LRRC4B: variants seen among roughly 807,000 people sequenced by gnomAD.
LRRC4B encodes the protein leucine rich repeat containing 4B, also known as leucine-rich repeat-containing protein 4B.
LRRC4B carries 1 observed loss-of-function variant against 7.3 expected under a neutral mutation model. That is an observed-to-expected ratio of 0.14 (90% CI 0.05 to 0.65). The LOEUF (loss-of-function observed/expected upper bound fraction) is 0.65. Among genes scored for constraint, LRRC4B ranks in the 30% least tolerant of loss-of-function variants. The probability of loss-of-function intolerance (pLI) is 0.84; values close to 1 mark genes in which losing one functional copy is unlikely to be tolerated. For missense variants in LRRC4B, 730 were observed against 1,041.6 expected, an observed-to-expected ratio of 0.70 and a Z score of 4.12; for synonymous variants, 500 against 499.2, an observed-to-expected ratio of 1.00 and a Z score of -0.02.
At position 50,548,584 on chromosome 19, in the gene LRRC4B, C is replaced by A. The variant is rs753489733; in HGVS notation, c.255G>T (p.Pro85=). The A allele has an allele frequency of 2.5e-6, 4 of 1,602,902 alleles. No individual in the cohort carries two copies. Among genetic ancestry groups the A allele is most frequent in the Middle Eastern group, 1.6e-4 (1 of 6,082 alleles). ...RDLAEVPASI[P]VNTRYLNLQE... is the part of the protein sequence containing the mutation. ...GCAGGTTCAGGTACCGCGTGTTGAC[C>A]GGGATGCTGGCTGGGACCTCGGCCA... Residue 85 remains proline (P), a synonymous_variant, in exon 2 of 3, where the codon CCG becomes CCT. Transcript: ENST00000652263. The surrounding 1 kb of genome is among the most constrained non-coding windows in gnomAD (Gnocchi z 6.8).
intron 2 of LRRC4B, among the ~76,000 whole-genome samples, chr19:50,524,297 G>A (rs1980707040): frequency 2.6e-5 from 4 of 152,210 alleles, no homozygotes; most frequent in Admixed American, 2.6e-4. Context: ...CCAGGCTGGA[G>A]TGCAGTGGCG....
chr19:50,550,519 G>A (rs1399065920), intron 1 of LRRC4B, among the ~76,000 whole-genome samples: 1 of 151,866 alleles, frequency 6.6e-6, no homozygotes, highest in African/African-American at 2.4e-5. Flanking sequence ...CCAGGCACAC[G>A]GCTATGCACA....
At chr19:50,557,904 G>GGA (rs1334415294) in intron 1 of LRRC4B, 3 of 152,182 alleles carry the variant, frequency 2.0e-5, no homozygotes, top group African/African-American at 7.2e-5. Context: ...GACAATCAGG[G>GGA]GAGCCCGTTA....
intron 1 of LRRC4B, among the ~76,000 whole-genome samples, chr19:50,567,118 G>C (rs1478157219): frequency 1.3e-5 from 2 of 149,592 alleles, no homozygotes; most frequent in East Asian, 4.1e-4. Flanking sequence ...GCCTGGGGAG[G>C]AGGCAGCAAA....
intron 2 of LRRC4B, among the ~76,000 whole-genome samples, chr19:50,530,115 C>A (rs183655280): frequency 6.6e-6 from 1 of 152,286 alleles, no homozygotes; most frequent in East Asian, 1.9e-4. Context: ...CCTCTCCATC[C>A]CCACAGCCCA....
In LRRC4B at chr19:50,548,636, C is replaced by T; in HGVS notation, c.203G>A (p.Ser68Asn). 6.3e-7 allele frequency: 1 copy of T among 1,585,576 alleles called. No individual in the cohort carries two copies. The highest frequency in any genetic ancestry group is 8.6e-7 in the Non-Finnish European group (1 of 1,168,476). The stretch of plus-strand genomic sequence containing the variant: ...GTCTCTCCGTGTGCAGATCACCCGG[C>T]TGGCCTGGTTGCTGCAGGAGCAGGC... ...PVACSCSNQA[S>N]RVICTRRDLA... is the part of the protein sequence containing the mutation. The change falls in exon 2 of 3, where the codon AGC becomes AAC. Residue 68 changes from serine (S) to asparagine (N), a missense_variant. Ser to Asn is a conservative substitution (Grantham distance 46). Coordinates refer to ENST00000652263, the MANE Select transcript of LRRC4B (RefSeq NM_001080457.2). This position sits in a 1 kb window ranked among gnomAD's most constrained non-coding sequence, Gnocchi z 6.8.
intron 2 of LRRC4B, among the ~76,000 whole-genome samples, chr19:50,531,915 T>C (rs1477332857): frequency 6.6e-6 from 1 of 152,206 alleles, no homozygotes; most frequent in Admixed American, 6.5e-5. Flanking sequence ...TTAATTCAGT[T>C]GATAATGATC....
intron 1 of LRRC4B, among the ~76,000 whole-genome samples, chr19:50,552,475 A>G (rs1982107627): frequency 6.6e-6 from 1 of 152,038 alleles, no homozygotes; most frequent in Non-Finnish European, 1.5e-5. Context: ...CCAGATCCTG[A>G]CATCCACCTC....
chr19:50,554,307 A>C (rs1252074330), intron 1 of LRRC4B, among the ~76,000 whole-genome samples: 1 of 151,978 alleles, frequency 6.6e-6, no homozygotes, highest in Non-Finnish European at 1.5e-5. Context: ...GGAAGCACAC[A>C]TCTCACGTCA....
chr19:50,564,154 G>C (rs976841958), intron 1 of LRRC4B, among the ~76,000 whole-genome samples: 3 of 152,150 alleles, frequency 2.0e-5, no homozygotes, highest in African/African-American at 4.8e-5. Flanking sequence ...AGGGGAGAGT[G>C]GGGAGTGGTG....
Position 50,517,772 on chromosome 19 carries a change from G to A in LRRC4B, c.1941C>T (p.Asp647=). ...CCAGGGCGGGCAGGGCCAGGTGGCT[G>A]TCCCCGCCCACACCACCCCCACTGG... ...AVASGGGVGG[D]SHLALPALER... Residue 647 remains aspartate, a synonymous_variant, in exon 3 of 3, where the codon GAC becomes GAT. Coordinates refer to ENST00000652263, the MANE Select transcript of LRRC4B (RefSeq NM_001080457.2). The surrounding 1 kb of genome is among the most constrained non-coding windows in gnomAD (Gnocchi z 6.6). 2.6e-6 allele frequency: 4 copies of A among 1,525,002 alleles called. No homozygotes were observed. Among genetic ancestry groups the A allele is most frequent in the Non-Finnish European group, 3.5e-6 (4 of 1,141,550 alleles). The allele number at this position is 1,525,002 out of a possible 1,614,324, so 94.5% of individuals were successfully genotyped here.
chr19:50,536,980 G>A (rs1175024163), intron 2 of LRRC4B, among the ~76,000 whole-genome samples: 3 of 152,116 alleles, frequency 2.0e-5, no homozygotes, highest in Non-Finnish European at 4.4e-5. Flanking sequence ...TGGGTGTGGT[G>A]GCAGGGGTGT....
At chr19:50,551,475 G>A (rs926224807) in intron 1 of LRRC4B, among the ~76,000 whole-genome samples, 4 of 91,714 alleles carry the variant, frequency 4.4e-5, no homozygotes, top group Non-Finnish European at 6.6e-5. Flanking sequence ...CCTCTACCTC[G>A]ACTCTCCCCC....
At chr19:50,557,933 A>G (rs1165096919) in intron 1 of LRRC4B, 3 of 152,156 alleles carry the variant, frequency 2.0e-5, no homozygotes, top group Admixed American at 6.5e-5. Context: ...CACTCCACTT[A>G]GTGGCTAGTA....
rs1334489412 is a variant in LRRC4B, at chr19:50,556,578, C to A, written c.-35-7705G>T. Among the ~76,000 whole-genome samples, 3 of 152,292 alleles carry A rather than the reference C, an allele frequency of 2.0e-5. No homozygotes were observed. In the East Asian group the frequency reaches 5.8e-4, roughly 29 times the overall value. ...TTCCTTTTCTTCACAGCTCGTGTCA[C>A]GGCCACCCAGCACCTGATGCTCGGT... On this transcript the variant is annotated intron_variant, in intron 1 of 2. Transcript: ENST00000652263. The surrounding 1 kb of genome is among the most constrained non-coding windows in gnomAD (Gnocchi z 4.2).
chr19:50,548,815 CG>C lies in LRRC4B; in HGVS notation c.23del (p.Pro8ArgfsTer36). MARARGSPCPPLPPGRMS... is the reference protein window; with the variant it reads MARARGSXCPPLPPGRMS... ...TCCTACCGGGCGGCAGCGGGGGGCACGGGGAGCCGCGGGCACGCGCCATCCT... is the reference window on the plus strand; with the variant it reads ...TCCTACCGGGCGGCAGCGGGGGGCACGGGAGCCGCGGGCACGCGCCATCCT... On this transcript the variant is annotated frameshift_variant, in exon 2 of 3. Coordinates refer to ENST00000652263, the MANE Select transcript of LRRC4B (RefSeq NM_001080457.2). LOFTEE classifies it high-confidence loss of function. This position sits in a 1 kb window ranked among gnomAD's most constrained non-coding sequence, Gnocchi z 6.8. 7.4e-7 allele frequency: 1 copy of C among 1,350,488 alleles called. No individual in the cohort carries two copies. The highest frequency in any genetic ancestry group is 9.6e-7 in the Non-Finnish European group (1 of 1,038,734). The allele number at this position is 1,350,488 out of a possible 1,614,324, so 83.7% of individuals were successfully genotyped here.
chr19:50,518,341 G>C lies in LRRC4B; in HGVS notation c.1372C>G (p.Pro458Ala). The C allele has an allele frequency of 6.2e-7, 1 of 1,606,010 alleles. No homozygotes were observed. Among genetic ancestry groups the C allele is most frequent in the Middle Eastern group, 1.7e-4 (1 of 6,008 alleles). ...SATLNVSAVD[P>A]VAAGGTGSGG... is the part of the protein sequence containing the mutation. ...CTGCCGGTGCCCCCGGCCGCCACGGGGTCCACGGCCGAGACGTTGAGCGTG... is the reference window on the plus strand; with the variant it reads ...CTGCCGGTGCCCCCGGCCGCCACGGCGTCCACGGCCGAGACGTTGAGCGTG... Residue 458 changes from proline to alanine, a missense_variant, in exon 3 of 3, where the codon CCC (proline) becomes GCC (alanine). Coordinates refer to ENST00000652263, the MANE Select transcript of LRRC4B (RefSeq NM_001080457.2).
intron 2 of LRRC4B, among the ~76,000 whole-genome samples, chr19:50,522,508 G>T (rs981929232): frequency 6.8e-6 from 1 of 146,990 alleles, no homozygotes; most frequent in Non-Finnish European, 1.5e-5. Context: ...ATGGAGTCTC[G>T]CTCTGTCGCC....
chr19:50,525,222 G>T (rs1338980045), intron 2 of LRRC4B, among the ~76,000 whole-genome samples: 3 of 152,204 alleles, frequency 2.0e-5, no homozygotes, highest in South Asian at 2.1e-4. Context: ...ACCACGAGGA[G>T]GATGATGAAA....
Sources: allele counts gnomAD v4.1 joint callset (sites outside exome capture counted in the v4.1 genomes callset), GRCh38; gene constraint gnomAD v4.1.1; non-coding constraint Gnocchi (gnomAD v3.1); transcripts MANE v1.5; gene names NCBI Gene and HGNC (gene_info 2026-07-23, HGNC 2026-07-21).